RASAL2: variants seen among roughly 807,000 people sequenced by gnomAD.
RASAL2 encodes the protein ras GTPase-activating protein nGAP.
In RASAL2, 58 loss-of-function variants were observed where a neutral mutation model predicts 128.9. The observed-to-expected ratio is 0.45, with a 90% CI of 0.36 to 0.56. The LOEUF (loss-of-function observed/expected upper bound fraction) is 0.56, where lower values mean the gene tolerates loss of function less well. Ranked by LOEUF, RASAL2 falls within the 20% of genes least tolerant of loss-of-function variation. The pLI, the probability that RASAL2 is intolerant of heterozygous loss-of-function variation, is 0.00. For missense variants in RASAL2, 1,360 were observed against 1,601.6 expected (o/e 0.85, Z 2.57); for synonymous variants, 561 against 580.8 (o/e 0.97, Z 0.49).
At position 178,439,593 on chromosome 1, in the gene RASAL2, A is replaced by G; in HGVS notation, c.828+18A>G. Reference sequence around the variant, plus strand: ...GCTTTGAGGTAAAAATAAAGTGTAGAAAAAAGGAAGAGTAGTTAAACAACA... The same window carrying G: ...GCTTTGAGGTAAAAATAAAGTGTAGGAAAAAGGAAGAGTAGTTAAACAACA... On this transcript the variant is annotated intron_variant, in intron 6 of 17. Coordinates refer to ENST00000367649, the MANE Select transcript of RASAL2 (RefSeq NM_170692.4). 3.1e-6 allele frequency: 5 copies of G among 1,606,382 alleles called. No individual in the cohort carries two copies. The highest frequency in any genetic ancestry group is 3.4e-6 in the Non-Finnish European group (4 of 1,176,592).
chr1:178,205,705 T>C (rs1370143002), intron 1 of RASAL2, among the ~76,000 whole-genome samples: 3 of 151,770 alleles, frequency 2.0e-5, no homozygotes, highest in Non-Finnish European at 4.4e-5. Flanking sequence ...TGCAGTGAGC[T>C]GAGATCGCGC....
intron 5 of RASAL2, among the ~76,000 whole-genome samples, chr1:178,426,731 T>A (rs1675541573): frequency 6.6e-6 from 1 of 152,140 alleles, no homozygotes. Flanking sequence ...TGGAGCAATG[T>A]CTTGAAAATT....
At chr1:178,165,108 C>T (rs916882679) in intron 1 of RASAL2, among the ~76,000 whole-genome samples, 5 of 151,830 alleles carry the variant, frequency 3.3e-5, no homozygotes, top group East Asian at 1.9e-4. Context: ...GAGTCTTGAG[C>T]GCATGGATTT....
At chr1:178,281,132 C>T (rs1326787084) in intron 1 of RASAL2, among the ~76,000 whole-genome samples, 2 of 150,954 alleles carry the variant, frequency 1.3e-5, no homozygotes, top group African/African-American at 4.9e-5. Flanking sequence ...TGTTTTTTTT[C>T]CCCCCTTGGT....
chr1:178,141,926 G>A (rs1343177057), intron 1 of RASAL2, among the ~76,000 whole-genome samples: 2 of 152,228 alleles, frequency 1.3e-5, no homozygotes, highest in East Asian at 3.9e-4. Context: ...ATACGATGGG[G>A]CGTCAATATT....
At chr1:178,188,014 A>C (rs1035655254) in intron 1 of RASAL2, among the ~76,000 whole-genome samples, 5 of 152,126 alleles carry the variant, frequency 3.3e-5, no homozygotes, top group African/African-American at 1.2e-4. Context: ...GGTATTCAAC[A>C]AAGTCTCTTC....
At position 178,094,214 on chromosome 1, in the gene RASAL2, G is replaced by A. The variant is rs534990904; in HGVS notation, c.-279G>A. ...TTCTTCTGCGTCCTCTCCCGGGAGG[G>A]ACCCACACACACCTGAGCCCGGACC... On this transcript the variant is annotated 5_prime_UTR_variant, in exon 1 of 18. Coordinates refer to ENST00000367649, the MANE Select transcript of RASAL2 (RefSeq NM_170692.4). 2 of 476,220 alleles carry A rather than the reference G, an allele frequency of 4.2e-6. No individual in the cohort carries two copies. Among genetic ancestry groups the A allele is most frequent in the African/African-American group, 2.1e-5 (1 of 48,264 alleles). The allele number at this position is 476,220 out of a possible 1,614,324, so 29.5% of individuals were successfully genotyped here.
intron 3 of RASAL2, 52 bp from the exon 4 acceptor site, chr1:178,390,048 A>G (rs143298701): frequency 8.4e-7 from 1 of 1,187,876 alleles, no homozygotes; most frequent in African/African-American, 1.5e-5. Flanking sequence ...TCAGTGGAAG[A>G]TCCTAAATTT....
At chr1:178,222,718 T>C (rs1663655945) in intron 1 of RASAL2, among the ~76,000 whole-genome samples, 1 of 152,160 alleles carries the variant, frequency 6.6e-6, no homozygotes, top group Non-Finnish European at 1.5e-5. Context: ...GATATCTCTT[T>C]ATGCTTTAAA....
intron 1 of RASAL2, among the ~76,000 whole-genome samples, chr1:178,237,703 CT>C (rs1303589623): frequency 1.3e-5 from 2 of 152,148 alleles, no homozygotes; most frequent in Non-Finnish European, 2.9e-5. Context: ...AATTCAATTA[CT>C]TTTTTATTGT....
intron 4 of RASAL2, among the ~76,000 whole-genome samples, chr1:178,409,555 T>C (rs1165894336): frequency 6.6e-6 from 1 of 152,112 alleles, no homozygotes; most frequent in Non-Finnish European, 1.5e-5. Context: ...TTCAAGTTAG[T>C]GGAGGATAAA....
intron 5 of RASAL2, among the ~76,000 whole-genome samples, chr1:178,435,258 T>C (rs1676179685): frequency 6.6e-6 from 1 of 152,136 alleles, no homozygotes; most frequent in African/African-American, 2.4e-5. Flanking sequence ...CAGATTGAGC[T>C]AGCACCACCA....
At chr1:178,337,965 C>T (rs1157997754) in intron 3 of RASAL2, among the ~76,000 whole-genome samples, 1 of 151,788 alleles carries the variant, frequency 6.6e-6, no homozygotes, top group African/African-American at 2.4e-5. Context: ...CTCCTCACCT[C>T]AGGTGATCCA....
intron 3 of RASAL2, among the ~76,000 whole-genome samples, chr1:178,345,082 C>G (rs2102416099): frequency 6.6e-6 from 1 of 152,172 alleles, no homozygotes; most frequent in African/African-American, 2.4e-5. Context: ...CCCTCCTTGC[C>G]CCTACTCAAA....
Position 178,300,074 on chromosome 1 carries a change from A to G in RASAL2, c.413A>G (p.Glu138Gly). Residue 138 changes from glutamate (E) to glycine (G), a missense_variant, in exon 3 of 18, where the codon GAG becomes GGG. Physicochemically the swap from Glu to Gly is moderately conservative, Grantham distance 98 (BLOSUM62 -2). Coordinates refer to ENST00000367649, the MANE Select transcript of RASAL2 (RefSeq NM_170692.4). ...AGGAGAACTGTCAGTGTCCCTTCCGAGGGTCAGTTTCCCGAGTACCCACCA... is the reference window on the plus strand; with the variant it reads ...AGGAGAACTGTCAGTGTCCCTTCCGGGGGTCAGTTTCCCGAGTACCCACCA... ...CLRRTVSVPS[E>G]GQFPEYPPEG... is the part of the protein sequence containing the mutation. 6.2e-7 allele frequency: 1 copy of G among 1,613,950 alleles called. No individual in the cohort carries two copies. The highest frequency in any genetic ancestry group is 8.5e-7 in the Non-Finnish European group (1 of 1,179,918).
At chr1:178,325,104 A>G (rs1331048233) in intron 3 of RASAL2, among the ~76,000 whole-genome samples, 1 of 152,200 alleles carries the variant, frequency 6.6e-6, no homozygotes, top group African/African-American at 2.4e-5. Flanking sequence ...TTGATATTTA[A>G]TATAGCACAA....
At chr1:178,363,842 A>G (rs556420413) in intron 3 of RASAL2, among the ~76,000 whole-genome samples, 1 of 152,322 alleles carries the variant, frequency 6.6e-6, no homozygotes, top group Non-Finnish European at 1.5e-5. Flanking sequence ...CACGCCTGTA[A>G]TCCCAGCACT....
At chr1:178,354,465 C>T (rs1357838000) in intron 3 of RASAL2, among the ~76,000 whole-genome samples, 1 of 152,120 alleles carries the variant, frequency 6.6e-6, no homozygotes, top group Non-Finnish European at 1.5e-5. Flanking sequence ...CTTGCTATTC[C>T]ACATTGTATT....
intron 5 of RASAL2, among the ~76,000 whole-genome samples, chr1:178,421,795 C>T (rs1036790062): frequency 1.3e-5 from 2 of 151,906 alleles, no homozygotes; most frequent in Non-Finnish European, 2.9e-5. Context: ...ATTAGCCCTT[C>T]TTGAACCACA....
Sources: allele counts gnomAD v4.1 joint callset (sites outside exome capture counted in the v4.1 genomes callset), GRCh38; gene constraint gnomAD v4.1.1; transcripts MANE v1.5; gene names NCBI Gene and HGNC (gene_info 2026-07-23, HGNC 2026-07-21).